PCDH15: variants seen among roughly 807,000 people sequenced by gnomAD.
The protein encoded by PCDH15 is protocadherin-15.
PCDH15 carries 129 observed loss-of-function variants against 178.5 expected under a neutral mutation model. The observed-to-expected ratio is 0.72, with a 90% CI of 0.63 to 0.84. The LOEUF is 0.84. PCDH15 is among the 40% of genes least tolerant of loss of function. The pLI is 0.00. For missense variants in PCDH15, 2,230 were observed against 2,099.9 expected, an observed-to-expected ratio of 1.06 and a Z score of -1.21; for synonymous variants, 800 against 732.0, an observed-to-expected ratio of 1.09 and a Z score of -1.50.
At chr10:55,420,204 C>G (rs1292336501) in intron 2 of PCDH15, among the ~76,000 whole-genome samples, 2 of 151,506 alleles carry the variant, frequency 1.3e-5, no homozygotes, top group Non-Finnish European at 3.0e-5. Context: ...ATTTGTGTGT[C>G]AATAAAGTTT....
intron 8 of PCDH15, among the ~76,000 whole-genome samples, chr10:54,281,322 A>G (rs534193939): frequency 1.5e-4 from 23 of 152,086 alleles, no homozygotes; most frequent in Middle Eastern, 3.4e-3. Context: ...AAAACCCACA[A>G]TTAAAGAATA....
intron 21 of PCDH15, among the ~76,000 whole-genome samples, chr10:53,992,178 C>T (rs1397281562): frequency 2.0e-5 from 3 of 152,128 alleles, no homozygotes; most frequent in Admixed American, 6.5e-5. Flanking sequence ...GCCTTAAGAG[C>T]TGTAACACTC....
chr10:53,837,955 A>ATTATTTATTTATTTAT (rs67884582), intron 29 of PCDH15, among the ~76,000 whole-genome samples: 23 of 146,838 alleles, frequency 1.6e-4, no homozygotes, highest in African/African-American at 4.3e-4. Context: ...ATAAACATAT[A>ATTATTTATTTATTTAT]TTATTTATTT....
intron 28 of PCDH15, among the ~76,000 whole-genome samples, chr10:53,849,697 T>C (rs900835630): frequency 2.0e-5 from 3 of 151,456 alleles, no homozygotes; most frequent in African/African-American, 7.3e-5. Context: ...ACCTCGTCTC[T>C]ACTAAAAATA....
At position 53,988,933 on chromosome 10, in the gene PCDH15, C is replaced by T. The variant is rs118053039; in HGVS notation, c.2868+6716G>A. Reference sequence around the variant, plus strand: ...AAAAACATGATTTCCAAATCAGCCCCTAGAATCAAAGAAAATTCGGAGAGA... The same window carrying T: ...AAAAACATGATTTCCAAATCAGCCCTTAGAATCAAAGAAAATTCGGAGAGA... On this transcript the variant is annotated intron_variant, in intron 21 of 37. Coordinates refer to ENST00000644397, the MANE Select transcript of PCDH15 (RefSeq NM_001384140.1). Among the ~76,000 whole-genome samples, 223 of 152,230 alleles carry T rather than the reference C, an allele frequency of 1.5e-3. 3 individuals carry two copies. In the East Asian group the frequency reaches 0.034, roughly 23 times the overall value.
intron 2 of PCDH15, chr10:54,568,431 A>G (rs2089338946): frequency 6.6e-6 from 1 of 152,160 alleles, no homozygotes; most frequent in South Asian, 2.1e-4. Flanking sequence ...TGTTTATTCA[A>G]AAAATGGACT....
intron 2 of PCDH15, among the ~76,000 whole-genome samples, chr10:54,641,422 A>G (rs2093985419): frequency 1.3e-5 from 2 of 152,144 alleles, no homozygotes; most frequent in African/African-American, 4.8e-5. Context: ...AAGTTTTCCT[A>G]CAACTAAACT....
At chr10:55,445,831 A>G (rs1343660178) in intron 2 of PCDH15, among the ~76,000 whole-genome samples, 1 of 152,166 alleles carries the variant, frequency 6.6e-6, no homozygotes, top group African/African-American at 2.4e-5. Flanking sequence ...CATTTCATAC[A>G]GTTGTATCCC....
chr10:55,034,241 C>T (rs182000147), intron 2 of PCDH15, among the ~76,000 whole-genome samples: 46 of 152,214 alleles, frequency 3.0e-4, no homozygotes, highest in Middle Eastern at 3.4e-3. Flanking sequence ...ACTGACCCAA[C>T]AAGTGAAGGG....
intron 26 of PCDH15, among the ~76,000 whole-genome samples, chr10:53,893,949 T>C (rs1330736056): frequency 6.6e-6 from 1 of 152,170 alleles, no homozygotes; most frequent in Admixed American, 6.6e-5. Flanking sequence ...ACTTTTTTGC[T>C]AAACTTTTTT....
chr10:54,892,302 TA>T (rs1954477278), intron 3 of PCDH15, among the ~76,000 whole-genome samples: 1 of 152,160 alleles, frequency 6.6e-6, no homozygotes, highest in South Asian at 2.1e-4. Flanking sequence ...ACTTTCTCAG[TA>T]GATCAAATAT....
At chr10:54,758,993 T>C (rs1947522632) in intron 1 of PCDH15, among the ~76,000 whole-genome samples, 1 of 152,124 alleles carries the variant, frequency 6.6e-6, no homozygotes, top group African/African-American at 2.4e-5. Flanking sequence ...TCGCCTCTTA[T>C]CTCTATGGCA....
chr10:54,091,074 T>A (rs1312005104), intron 15 of PCDH15, among the ~76,000 whole-genome samples: 2 of 152,200 alleles, frequency 1.3e-5, no homozygotes, highest in African/African-American at 4.8e-5. Flanking sequence ...AAAATAAAGA[T>A]GCTCTTGTTT....
At chr10:55,027,419 A>G (rs1840501163) in intron 2 of PCDH15, among the ~76,000 whole-genome samples, 1 of 151,786 alleles carries the variant, frequency 6.6e-6, no homozygotes, top group Non-Finnish European at 1.5e-5. Flanking sequence ...AAAATATATC[A>G]GAGGTGAATG....
chr10:54,464,512 C>T (rs1199990527), intron 3 of PCDH15, among the ~76,000 whole-genome samples: 1 of 152,068 alleles, frequency 6.6e-6, no homozygotes, highest in African/African-American at 2.4e-5. Context: ...TGTGTTTACA[C>T]AGAATAATTA....
intron 4 of PCDH15, 136 bp downstream of exon 4, chr10:54,378,646 T>G: frequency 5.1e-6 from 5 of 971,456 alleles, no homozygotes; most frequent in Non-Finnish European, 6.1e-6. Context: ...TTTAAATGAG[T>G]TAAAGAAACT....
chr10:54,055,477 A>G (rs1039261979), intron 18 of PCDH15, among the ~76,000 whole-genome samples: 13 of 152,218 alleles, frequency 8.5e-5, no homozygotes, highest in Non-Finnish European at 1.8e-4. Flanking sequence ...CAGGCAGTAT[A>G]GTTTCCAAGT....
At chr10:54,861,544 A>G (rs972582852) in intron 3 of PCDH15, among the ~76,000 whole-genome samples, 30 of 152,288 alleles carry the variant, frequency 2.0e-4, no homozygotes, top group African/African-American at 7.2e-4. Flanking sequence ...AAAGGAACAT[A>G]CTTCATAATA....
chr10:53,899,428 T>C (rs1020258808), intron 26 of PCDH15, among the ~76,000 whole-genome samples: 5 of 152,222 alleles, frequency 3.3e-5, no homozygotes, highest in African/African-American at 1.2e-4. Context: ...CCAAATTCAC[T>C]ACTCATCTTT....
Sources: allele counts gnomAD v4.1 joint callset (sites outside exome capture counted in the v4.1 genomes callset), GRCh38; gene constraint gnomAD v4.1.1; transcripts MANE v1.5; gene names NCBI Gene and HGNC (gene_info 2026-07-23, HGNC 2026-07-21).